Variants in VAV1 observed in about 807,000 individuals in gnomAD.
VAV1 encodes vav guanine nucleotide exchange factor 1.
Under a neutral mutation model 128.1 loss-of-function variants are expected in VAV1, and 33 were observed. The observed-to-expected ratio is 0.26, with a 90% CI of 0.20 to 0.34. The LOEUF is 0.34. VAV1 is among the 10% of genes least tolerant of loss of function. VAV1 has a pLI of 1.00. For missense variants in VAV1, 715 were observed against 1,093.7 expected (o/e 0.65, Z 4.88); for synonymous variants, 394 against 409.8 (o/e 0.96, Z 0.47).
chr19:6,789,260 C>CTT (rs771682522), intron 1 of VAV1, among the ~76,000 whole-genome samples: 2 of 144,936 alleles, frequency 1.4e-5, no homozygotes, highest in African/African-American at 2.5e-5. Context: ...CTCCTTTCTT[C>CTT]TTTTTTTTTT....
At chr19:6,796,191 T>G (rs534389134) in intron 1 of VAV1, among the ~76,000 whole-genome samples, 1 of 152,340 alleles carries the variant, frequency 6.6e-6, no homozygotes, top group South Asian at 2.1e-4. Flanking sequence ...ATAGCAGCGT[T>G]TAAGCACTCC....
In VAV1 at chr19:6,831,853, A is replaced by AGTGT. The variant is rs112497070; in HGVS notation, c.1399-214_1399-211dup. Among the ~76,000 whole-genome samples, 411 of 146,644 alleles carry AGTGT rather than the reference A, an allele frequency of 2.8e-3. 2 individuals are homozygous for AGTGT. The highest frequency in any genetic ancestry group is 4.9e-3 in the African/African-American group (199 of 40,260). On this transcript the variant is annotated intron_variant, in intron 14 of 26. Transcript: ENST00000602142. ...TCTGGTGTGTGCTTCTGCAAAGGGG[A>AGTGT]GTGTGTGTGTGTGTGTGTGTGTGTG...
intron 23 of VAV1, among the ~76,000 whole-genome samples, chr19:6,848,480 C>T (rs1972581732): frequency 6.6e-6 from 1 of 151,274 alleles, no homozygotes; most frequent in South Asian, 2.1e-4. Context: ...GAGATCTCAG[C>T]TCACTGCAAC....
chr19:6,774,080 C>A (rs1017288890), intron 1 of VAV1, among the ~76,000 whole-genome samples: 1 of 152,034 alleles, frequency 6.6e-6, no homozygotes, highest in East Asian at 1.9e-4. Context: ...GGGGCAGGGC[C>A]ATTGGTGGAA....
rs745309850 is a variant in VAV1, at chr19:6,828,586, G to C, written c.1093-36G>C. On this transcript the variant is annotated intron_variant, in intron 11 of 26. Coordinates refer to ENST00000602142, the MANE Select transcript of VAV1 (RefSeq NM_005428.4). The surrounding 1 kb of genome is among the most constrained non-coding windows in gnomAD (Gnocchi z 4.5). ...GATTAGGTAGGAGCCTGGGTCGGCT[G>C]TTGGGGGGCCAGGTTCACCCCTGCC... 6.2e-7 allele frequency: 1 copy of C among 1,613,604 alleles called. No individual in the cohort carries two copies. The highest frequency in any genetic ancestry group is 1.7e-5 in the Admixed American group (1 of 60,006).
intron 1 of VAV1, among the ~76,000 whole-genome samples, chr19:6,811,189 C>T (rs943026532): frequency 4.6e-5 from 7 of 152,150 alleles, no homozygotes; most frequent in Non-Finnish European, 7.3e-5. Context: ...GCATGCACCA[C>T]CATGCCCGGC....
At chr19:6,795,007 G>A (rs1157182898) in intron 1 of VAV1, among the ~76,000 whole-genome samples, 1 of 152,104 alleles carries the variant, frequency 6.6e-6, no homozygotes, top group African/African-American at 2.4e-5. Context: ...CAAGTGGCTT[G>A]GGCTTCCCCA....
chr19:6,813,355 G>T lies in VAV1; in HGVS notation c.205-7347G>T, dbSNP rs369162990. ...GTCCAAGAGACCAAAATGGAGCTTCGATATGTTTCATTATTTAGTCTTGAG... is the reference window on the plus strand; with the variant it reads ...GTCCAAGAGACCAAAATGGAGCTTCTATATGTTTCATTATTTAGTCTTGAG... On this transcript the variant is annotated intron_variant, in intron 1 of 26. Transcript: ENST00000602142. Among the ~76,000 whole-genome samples, 17 of 152,264 alleles carry T rather than the reference G, an allele frequency of 1.1e-4. 3 individuals are homozygous for T. Among genetic ancestry groups the T allele is most frequent in the East Asian group, 3.9e-4 (2 of 5,188 alleles).
intron 1 of VAV1, among the ~76,000 whole-genome samples, chr19:6,813,901 T>A (rs990572849): frequency 6.6e-5 from 10 of 151,240 alleles, no homozygotes; most frequent in African/African-American, 2.4e-4. Flanking sequence ...AAAAAATCTT[T>A]AAAAAAAAAT....
At chr19:6,809,076 TC>T (rs1364211934) in intron 1 of VAV1, among the ~76,000 whole-genome samples, 1 of 29,764 alleles carries the variant, frequency 3.4e-5, no homozygotes, top group African/African-American at 1.1e-4. Context: ...AATCTACCTC[TC>T]TTTTTTTTTT....
At chr19:6,811,083 T>A (rs1012767221) in intron 1 of VAV1, among the ~76,000 whole-genome samples, 9 of 152,210 alleles carry the variant, frequency 5.9e-5, no homozygotes, top group African/African-American at 2.2e-4. Flanking sequence ...TTGCCCAGGC[T>A]GGAGTGCAGT....
At position 6,857,156 on chromosome 19, in the gene VAV1, G is replaced by A; in HGVS notation, c.*49G>A. ...CGAGAAACTCCAGGCTCTGAGCCCG[G>A]CGTGGGCAGGCAGCGGAGCCAGGGG... On this transcript the variant is annotated 3_prime_UTR_variant, in exon 27 of 27. Transcript: ENST00000602142. 6.2e-7 allele frequency: 1 copy of A among 1,612,168 alleles called. No individual in the cohort carries two copies. The highest frequency in any genetic ancestry group is 2.2e-5 in the East Asian group (1 of 44,856).
At chr19:6,838,545 C>T (rs945164131) in intron 21 of VAV1, among the ~76,000 whole-genome samples, 7 of 152,108 alleles carry the variant, frequency 4.6e-5, no homozygotes, top group Non-Finnish European at 1.0e-4. Flanking sequence ...ATTCACCGAT[C>T]ATCTCTCTGC....
At chr19:6,842,249 A>T (rs1012572885) in intron 21 of VAV1, among the ~76,000 whole-genome samples, 20 of 152,162 alleles carry the variant, frequency 1.3e-4, no homozygotes, top group African/African-American at 4.6e-4. Context: ...CAAATAAATA[A>T]ATAATAAATA....
intron 14 of VAV1, among the ~76,000 whole-genome samples, chr19:6,831,691 C>G (rs1022156476): frequency 2.0e-5 from 3 of 152,224 alleles, no homozygotes; most frequent in African/African-American, 7.2e-5. Context: ...GCATCCGTCT[C>G]TCCTACCAGG....
intron 1 of VAV1, among the ~76,000 whole-genome samples, chr19:6,816,770 T>C (rs138630790): frequency 6.6e-5 from 10 of 151,868 alleles, no homozygotes; most frequent in Middle Eastern, 3.4e-3. Flanking sequence ...AAGACCAGCC[T>C]GGACAACATG....
At chr19:6,851,495 T>C (rs1156640477) in intron 24 of VAV1, among the ~76,000 whole-genome samples, 3 of 152,120 alleles carry the variant, frequency 2.0e-5, no homozygotes, top group African/African-American at 4.8e-5. Context: ...AAATATGTTA[T>C]AGATAGAAAC....
intron 1 of VAV1, among the ~76,000 whole-genome samples, chr19:6,784,552 G>A (rs1239010729): frequency 6.7e-6 from 1 of 149,988 alleles, no homozygotes; most frequent in African/African-American, 2.5e-5. Context: ...GGAGTGCAGT[G>A]GCACAATCTT....
chr19:6,807,044 T>C (rs1043325125), intron 1 of VAV1, among the ~76,000 whole-genome samples: 3 of 152,146 alleles, frequency 2.0e-5, no homozygotes, highest in Admixed American at 6.5e-5. Context: ...AACAGTTAGG[T>C]AGAGATTAAT....
Sources: allele counts gnomAD v4.1 joint callset (sites outside exome capture counted in the v4.1 genomes callset), GRCh38; gene constraint gnomAD v4.1.1; non-coding constraint Gnocchi (gnomAD v3.1); transcripts MANE v1.5; gene names NCBI Gene and HGNC (gene_info 2026-07-23, HGNC 2026-07-21).